The following NOL4L variants were observed in gnomAD, a reference collection of about 807,000 sequenced individuals.
NOL4L encodes the protein nucleolar protein 4-like.
In NOL4L, 7 loss-of-function variants were observed where a neutral mutation model predicts 64.5. That is an observed-to-expected ratio of 0.11 (90% CI 0.06 to 0.20). The LOEUF (loss-of-function observed/expected upper bound fraction) is 0.20, where lower values mean the gene tolerates loss of function less well. Ranked by LOEUF, NOL4L falls within the 10% of genes least tolerant of loss-of-function variation. The probability of loss-of-function intolerance (pLI) is 1.00; values close to 1 mark genes in which losing one functional copy is unlikely to be tolerated. For missense variants in NOL4L, 680 were observed against 967.1 expected, an observed-to-expected ratio of 0.70 and a Z score of 3.94; for synonymous variants, 413 against 401.0, an observed-to-expected ratio of 1.03 and a Z score of -0.36.
chr20:32,548,597 T>A (rs2145603286), intron 1 of NOL4L: 1 of 262,826 alleles, frequency 3.8e-6, no homozygotes, highest in Admixed American at 5.5e-5. Flanking sequence ...CAATATACAG[T>A]AACCTCGGTC....
At chr20:32,579,777 G>A (rs762380867) in intron 1 of NOL4L, among the ~76,000 whole-genome samples, 10 of 152,082 alleles carry the variant, frequency 6.6e-5, no homozygotes, top group Middle Eastern at 3.2e-3. Flanking sequence ...AAATCACAAC[G>A]TGTAACTGAC....
intron 1 of NOL4L, among the ~76,000 whole-genome samples, chr20:32,578,138 A>AGGAGGGAGGGAGGGAG (rs1203991256): frequency 2.2e-4 from 11 of 50,242 alleles, no homozygotes; most frequent in South Asian, 9.0e-4. Context: ...GAAGGAAGGA[A>AGGAGGGAGGGAGGGAG]GGAGGGAGGG....
At chr20:32,497,056 C>CAA (rs11167170) in intron 4 of NOL4L, among the ~76,000 whole-genome samples, 2,886 of 76,640 alleles carry the variant, frequency 0.038, 174 homozygotes, top group African/African-American at 0.097. Context: ...CTCCTACCCT[C>CAA]AAAAAAAAAA....
intron 1 of NOL4L, among the ~76,000 whole-genome samples, chr20:32,568,756 C>T (rs1292233023): frequency 6.6e-6 from 1 of 152,202 alleles, no homozygotes; most frequent in African/African-American, 2.4e-5. Context: ...GCTTGAGGCC[C>T]ATGATGACCC....
chr20:32,496,649 C>G (rs557555448), intron 4 of NOL4L, among the ~76,000 whole-genome samples: 4 of 151,968 alleles, frequency 2.6e-5, no homozygotes, highest in Non-Finnish European at 5.9e-5. Context: ...CTCCCAGGTT[C>G]AAGTGATTCT....
chr20:32,486,052 C>T (rs2016074992), intron 4 of NOL4L, among the ~76,000 whole-genome samples: 1 of 152,214 alleles, frequency 6.6e-6, no homozygotes, highest in Admixed American at 6.5e-5. Context: ...ACAGCCCAGC[C>T]CTGCTCAACC....
intron 10 of NOL4L, among the ~76,000 whole-genome samples, chr20:32,452,008 G>C (rs1252866429): frequency 6.6e-6 from 1 of 152,194 alleles, no homozygotes; most frequent in Admixed American, 6.5e-5. Context: ...GGGGCGGTAG[G>C]TTTTTGCTTT....
chr20:32,524,597 G>T (rs2018060986), intron 2 of NOL4L, among the ~76,000 whole-genome samples: 1 of 152,208 alleles, frequency 6.6e-6, no homozygotes, highest in Non-Finnish European at 1.5e-5. Context: ...TGAGGATTCA[G>T]CGTTGGCAAA....
intron 1 of NOL4L, among the ~76,000 whole-genome samples, chr20:32,535,085 G>A (rs2018472506): frequency 6.6e-6 from 1 of 151,868 alleles, no homozygotes; most frequent in African/African-American, 2.4e-5. Flanking sequence ...AGAACAAAAA[G>A]AAAAGAAAAC....
chr20:32,463,772 G>A lies in NOL4L; in HGVS notation c.842-7377C>T, dbSNP rs993826057. Among the ~76,000 whole-genome samples the A allele has an allele frequency of 6.6e-5, 10 of 152,142 alleles. No individual in the cohort carries two copies. The highest frequency in any genetic ancestry group is 1.3e-4 in the Admixed American group (2 of 15,280). ...AGCCCGCACAAGCCCAGCTCTGTGCGAACCACCAATCGCCACACCGCGCTC... is the reference window on the plus strand; with the variant it reads ...AGCCCGCACAAGCCCAGCTCTGTGCAAACCACCAATCGCCACACCGCGCTC... On this transcript the variant is annotated intron_variant, in intron 5 of 10. Coordinates refer to ENST00000621426, the MANE Select transcript of NOL4L (RefSeq NM_001256798.2). The surrounding 1 kb of genome is among the most constrained non-coding windows in gnomAD (Gnocchi z 5.8).
rs1178527506 is a variant in NOL4L, at chr20:32,460,635, A to G, written c.842-4240T>C. 6.6e-6 allele frequency among the ~76,000 whole-genome samples: 1 copy of G among 152,156 alleles called. No individual in the cohort carries two copies. Among genetic ancestry groups the G allele is most frequent in the African/African-American group, 2.4e-5 (1 of 41,432 alleles). On this transcript the variant is annotated intron_variant, in intron 5 of 10. Coordinates refer to ENST00000621426, the MANE Select transcript of NOL4L (RefSeq NM_001256798.2). This position sits in a 1 kb window ranked among gnomAD's most constrained non-coding sequence, Gnocchi z 5.7. ...GGCAGGAGCTCAAAAGGAAACCCCA[A>G]TTCCCTGCACCCCACATTTTCTCAC...
chr20:32,554,484 A>T (rs1221853828), intron 1 of NOL4L, among the ~76,000 whole-genome samples: 1 of 152,148 alleles, frequency 6.6e-6, no homozygotes, highest in African/African-American at 2.4e-5. Flanking sequence ...GGCCCCTGTC[A>T]CTGAAGATCC....
chr20:32,541,986 A>G (rs1166390813), intron 1 of NOL4L, among the ~76,000 whole-genome samples: 1 of 152,164 alleles, frequency 6.6e-6, no homozygotes, highest in Non-Finnish European at 1.5e-5. Flanking sequence ...TCCCAGCCCA[A>G]GTAGAGCCTC....
At chr20:32,564,415 A>G (rs989563037) in intron 1 of NOL4L, among the ~76,000 whole-genome samples, 6 of 152,216 alleles carry the variant, frequency 3.9e-5, no homozygotes, top group African/African-American at 1.4e-4. Context: ...AGGTACAGGG[A>G]TGAAGCAACT....
At chr20:32,459,604 C>T (rs774273154) in intron 5 of NOL4L, among the ~76,000 whole-genome samples, 2 of 152,128 alleles carry the variant, frequency 1.3e-5, no homozygotes, top group African/African-American at 4.8e-5. Flanking sequence ...AGGCTGGTCT[C>T]GAATTCATGA....
intron 1 of NOL4L, among the ~76,000 whole-genome samples, chr20:32,584,103 C>A (rs1330392571): frequency 3.5e-5 from 5 of 141,558 alleles, no homozygotes; most frequent in Admixed American, 6.9e-5. Context: ...CCTCCCCCCC[C>A]CCCACCCCGC....
At chr20:32,452,031 C>T (rs565339530) in intron 10 of NOL4L, among the ~76,000 whole-genome samples, 1 of 152,306 alleles carries the variant, frequency 6.6e-6, no homozygotes, top group South Asian at 2.1e-4. Flanking sequence ...CCAACTGAGT[C>T]TCCTTCACCT....
At chr20:32,448,899 C>T (rs981876597) in intron 10 of NOL4L, among the ~76,000 whole-genome samples, 7 of 152,196 alleles carry the variant, frequency 4.6e-5, no homozygotes, top group Admixed American at 2.0e-4. Flanking sequence ...GGCCTCAGAG[C>T]CCTCATCTGC....
chr20:32,525,809 G>T (rs1313738399), intron 2 of NOL4L, among the ~76,000 whole-genome samples: 1 of 152,144 alleles, frequency 6.6e-6, no homozygotes, highest in Admixed American at 6.5e-5. Flanking sequence ...CCTGGCTGAA[G>T]TGCAGTGGCA....
Sources: gnomAD v4.1 joint callset for allele counts (sites outside exome capture counted in the v4.1 genomes callset) on GRCh38, gnomAD v4.1.1 for gene constraint, Gnocchi (gnomAD v3.1) non-coding constraint, MANE v1.5 for transcripts, NCBI Gene and HGNC (gene_info 2026-07-23, HGNC 2026-07-21) for gene names.